ZNF441: variants seen among roughly 807,000 people sequenced by gnomAD.
ZNF441 encodes zinc finger protein 441.
A neutral mutation model predicts 64.5 loss-of-function variants in ZNF441; 25 were observed. The observed-to-expected ratio is 0.39, with a 90% confidence interval of 0.28 to 0.54. ZNF441 has a LOEUF of 0.54. ZNF441 is among the 20% of genes least tolerant of loss of function. ZNF441 has a pLI of 0.70. For missense variants in ZNF441, 715 were observed against 843.3 expected (o/e 0.85, Z 1.88); for synonymous variants, 262 against 268.0 (o/e 0.98, Z 0.22).
At position 11,781,595 on chromosome 19, in the gene ZNF441, A is replaced by T. The variant is rs1217810132; in HGVS notation, c.1771A>T (p.Ile591Leu). The change falls in exon 4 of 4, where the codon ATA becomes TTA. Residue 591 changes from isoleucine to leucine, a missense_variant. By Grantham distance (5) the Ile-to-Leu change is conservative. Coordinates refer to ENST00000357901, the MANE Select transcript of ZNF441 (RefSeq NM_152355.3). ...HTGNGPHKCK[I>L]CGKGFDYPSS... is the part of the protein sequence containing the mutation. ...TGGAAATGGACCTCATAAATGTAAG[A>T]TATGTGGGAAAGGCTTTGATTATCC... 6 of 1,613,794 alleles carry T rather than the reference A, an allele frequency of 3.7e-6. No individual in the cohort carries two copies. Among genetic ancestry groups the T allele is most frequent in the Non-Finnish European group, 5.1e-6 (6 of 1,179,940 alleles).
chr19:11,780,211 A>C lies in ZNF441; in HGVS notation c.387A>C (p.Lys129Asn). ...ACGTTAGAGTTGACAGTGAACACAAACCATGTGAGTATCAAGAATATGGAG... is the reference window on the plus strand; with the variant it reads ...ACGTTAGAGTTGACAGTGAACACAACCCATGTGAGTATCAAGAATATGGAG... ...NCYVRVDSEH[K>N]PCEYQEYGEK... Residue 129 changes from lysine (K) to asparagine (N), a missense_variant, in exon 4 of 4, where the codon AAA becomes AAC. Physicochemically the swap from Lys to Asn is moderately conservative, Grantham distance 94 (BLOSUM62 0). Around this residue, in one of 2 missense-constraint regions of ZNF441, gnomAD observed 399 missense variants for 413.9 expected, o/e 0.96. Coordinates refer to ENST00000357901, the MANE Select transcript of ZNF441 (RefSeq NM_152355.3). 2 of 1,614,206 alleles carry C rather than the reference A, an allele frequency of 1.2e-6. No individual in the cohort carries two copies. Among genetic ancestry groups the C allele is most frequent in the Middle Eastern group, 3.3e-4 (2 of 6,062 alleles).
Position 11,780,609 on chromosome 19 carries a change from G to C in ZNF441, c.785G>C (p.Ser262Thr). ...YQCKQCGKAF[S>T]CSCYTQLYER... is the part of the protein sequence containing the mutation. ...TGTAAACAATGTGGGAAAGCCTTCA[G>C]TTGTTCCTGTTACACTCAACTATAT... The change falls in exon 4 of 4, where the codon AGT (serine) becomes ACT (threonine). Residue 262 changes from serine to threonine, a missense_variant. Physicochemically the swap from Ser to Thr is moderately conservative, Grantham distance 58. This residue lies in a region of ZNF441 where 399 missense variants were observed against 413.9 expected (regional missense o/e 0.96). Coordinates refer to ENST00000357901, the MANE Select transcript of ZNF441 (RefSeq NM_152355.3). The C allele has an allele frequency of 1.2e-6, 2 of 1,614,086 alleles. No individual in the cohort carries two copies. The highest frequency in any genetic ancestry group is 1.7e-6 in the Non-Finnish European group (2 of 1,180,028).
Position 11,781,866 on chromosome 19 carries a change from A to ATT in ZNF441, c.2043_2044dup (p.Cys682PhefsTer11), listed in dbSNP as rs1568482288. ...TGTAAAGAATGTGGGGAAGCATTTC[A>ATT]TTGTATCAGTTCCTTTCATAAACAT... On this transcript the variant is annotated frameshift_variant, in exon 4 of 4. Coordinates refer to ENST00000357901, the MANE Select transcript of ZNF441 (RefSeq NM_152355.3). LOFTEE classifies it high-confidence loss of function. 1 of 1,606,722 alleles carries ATT rather than the reference A, an allele frequency of 6.2e-7. No homozygotes were observed.
Position 11,778,711 on chromosome 19 carries a change from G to T in ZNF441, c.194+318G>T, listed in dbSNP as rs138056843. On this transcript the variant is annotated intron_variant, in intron 3 of 3. Coordinates refer to ENST00000357901, the MANE Select transcript of ZNF441 (RefSeq NM_152355.3). Reference sequence around the variant, plus strand: ...GTCCTTAAGCGTTCCTCCTGCCTTGGCCTCTCAAAAGGCAGGTATTGCAGG... The same window carrying T: ...GTCCTTAAGCGTTCCTCCTGCCTTGTCCTCTCAAAAGGCAGGTATTGCAGG... Among the ~76,000 whole-genome samples, 319 of 152,240 alleles carry T rather than the reference G, an allele frequency of 2.1e-3. 1 individual carries two copies. The highest frequency in any genetic ancestry group is 7.5e-3 in the African/African-American group (312 of 41,536).
chr19:11,771,702 AG>A (rs1306812768), intron 1 of ZNF441, among the ~76,000 whole-genome samples: 2 of 152,228 alleles, frequency 1.3e-5, no homozygotes, highest in African/African-American at 2.4e-5. Flanking sequence ...CAGGGCCACC[AG>A]GGGGCTCCTT....
chr19:11,767,101 C>A lies in ZNF441; in HGVS notation c.-93C>A. On this transcript the variant is annotated 5_prime_UTR_variant, in exon 1 of 4. Coordinates refer to ENST00000357901, the MANE Select transcript of ZNF441 (RefSeq NM_152355.3). This position sits in a 1 kb window ranked among gnomAD's most constrained non-coding sequence, Gnocchi z 5.1. Reference sequence around the variant, plus strand: ...GGCTCCGGGTTCTGTCACTGAGAGACGCCCTGGAACGTCTGTGGCAGCTTC... The same window carrying A: ...GGCTCCGGGTTCTGTCACTGAGAGAAGCCCTGGAACGTCTGTGGCAGCTTC... 2 of 1,542,150 alleles carry A rather than the reference C, an allele frequency of 1.3e-6. No homozygotes were observed. The highest frequency in any genetic ancestry group is 1.8e-6 in the Non-Finnish European group (2 of 1,139,016).
At chr19:11,769,120 C>T (rs1599266906) in intron 1 of ZNF441, among the ~76,000 whole-genome samples, 1 of 152,180 alleles carries the variant, frequency 6.6e-6, no homozygotes, top group African/African-American at 2.4e-5. Context: ...AATTGAAGAA[C>T]TGGGAGAAGA....
At chr19:11,774,141 A>G (rs1168268664) in intron 1 of ZNF441, among the ~76,000 whole-genome samples, 4 of 152,178 alleles carry the variant, frequency 2.6e-5, no homozygotes, top group Admixed American at 2.6e-4. Flanking sequence ...TTCACAACTA[A>G]TGAGCCTACA....
Position 11,782,371 on chromosome 19 carries a change from A to C in ZNF441, c.*465A>C, listed in dbSNP as rs1015265887. On this transcript the variant is annotated 3_prime_UTR_variant, in exon 4 of 4. Coordinates refer to ENST00000357901, the MANE Select transcript of ZNF441 (RefSeq NM_152355.3). ...CCCTCAGGAATACCTATATTCAGAGATATTCAAGTCCCTGATATTAAAAAC... is the reference window on the plus strand; with the variant it reads ...CCCTCAGGAATACCTATATTCAGAGCTATTCAAGTCCCTGATATTAAAAAC... 1 of 152,768 alleles carries C rather than the reference A, an allele frequency of 6.5e-6. No homozygotes were observed. Among genetic ancestry groups the C allele is most frequent in the African/African-American group, 2.4e-5 (1 of 41,470 alleles). The allele number at this position is 152,768 out of a possible 1,614,324, so 9.5% of individuals were successfully genotyped here.
chr19:11,783,771 A>G lies in ZNF441; in HGVS notation c.*1865A>G, dbSNP rs1474768992. On this transcript the variant is annotated 3_prime_UTR_variant, in exon 4 of 4. Transcript: ENST00000357901. Reference sequence around the variant, plus strand: ...AAGTTATCCGGGGCTGAGAAGGGGAAATGAAGAGAAATTGGTGAATATGTA... The same window carrying G: ...AAGTTATCCGGGGCTGAGAAGGGGAGATGAAGAGAAATTGGTGAATATGTA... The G allele has an allele frequency of 6.6e-6, 1 of 152,276 alleles. No individual in the cohort carries two copies. The highest frequency in any genetic ancestry group is 1.9e-4 in the East Asian group (1 of 5,186). 9.4% of individuals were successfully genotyped at this position (152,276 alleles called of 1,614,324 possible). A position where few individuals can be genotyped will look rare whatever the true frequency, so the allele number is the denominator to read the frequency against.
At chr19:11,773,000 C>G (rs1013324584) in intron 1 of ZNF441, among the ~76,000 whole-genome samples, 4 of 152,174 alleles carry the variant, frequency 2.6e-5, no homozygotes, top group African/African-American at 7.2e-5. Flanking sequence ...ACCTTGTTAA[C>G]GAGGATAGTC....
At chr19:11,769,046 C>T (rs1353552987) in intron 1 of ZNF441, among the ~76,000 whole-genome samples, 1 of 152,130 alleles carries the variant, frequency 6.6e-6, no homozygotes, top group African/African-American at 2.4e-5. Context: ...ACTTGACACA[C>T]TCTGCACCCA....
In ZNF441 at chr19:11,778,217, C is replaced by T. The variant is rs572799701; in HGVS notation, c.131-113C>T. 2.7e-5 allele frequency: 20 copies of T among 753,248 alleles called. No individual in the cohort carries two copies. The South Asian group carries it at 3.1e-4, about 12-fold the overall frequency. 46.7% of individuals were successfully genotyped at this position (753,248 alleles called of 1,614,324 possible). On this transcript the variant is annotated intron_variant, in intron 2 of 3. Coordinates refer to ENST00000357901, the MANE Select transcript of ZNF441 (RefSeq NM_152355.3). ...GTGCAGTTCAAACCTGTGTTGAAGACTCAGCTGTAGTTTGGTGTGTGAATC... is the reference window on the plus strand; with the variant it reads ...GTGCAGTTCAAACCTGTGTTGAAGATTCAGCTGTAGTTTGGTGTGTGAATC...
intron 3 of ZNF441, 54 bp downstream of exon 3, chr19:11,778,447 C>A: frequency 7.5e-7 from 1 of 1,324,696 alleles, no homozygotes; most frequent in Non-Finnish European, 1.0e-6. Context: ...CATAGTATGC[C>A]AGAAATTTTA....
chr19:11,782,079 A>C lies in ZNF441; in HGVS notation c.*173A>C. On this transcript the variant is annotated 3_prime_UTR_variant, in exon 4 of 4. Transcript: ENST00000357901. ...ATGACCAAACTCATACTTCAAAAAT[A>C]TATATATAATGAATGTGAGGAATAT... is the stretch of plus-strand genomic sequence containing the variant. 1 of 500,126 alleles carries C rather than the reference A, an allele frequency of 2.0e-6. No homozygotes were observed. The highest frequency in any genetic ancestry group is 3.4e-6 in the Non-Finnish European group (1 of 293,146). The allele number at this position is 500,126 out of a possible 1,614,324, so 31.0% of individuals were successfully genotyped here.
At chr19:11,771,603 C>T (rs968079739) in intron 1 of ZNF441, among the ~76,000 whole-genome samples, 5 of 152,140 alleles carry the variant, frequency 3.3e-5, no homozygotes, top group East Asian at 1.9e-4. Flanking sequence ...TCATAACCTA[C>T]GAAAAACCAG....
chr19:11,767,579 G>A lies in ZNF441; in HGVS notation c.3+383G>A, dbSNP rs2145075608. Among the ~76,000 whole-genome samples, 1 of 152,290 alleles carries A rather than the reference G, an allele frequency of 6.6e-6. No homozygotes were observed. The highest frequency in any genetic ancestry group is 2.4e-5 in the African/African-American group (1 of 41,568). On this transcript the variant is annotated intron_variant, in intron 1 of 3. Transcript: ENST00000357901. This position sits in a 1 kb window ranked among gnomAD's most constrained non-coding sequence, Gnocchi z 5.1. ...GGACACCCCAGATCCGCCTTCCTGA[G>A]AGGTTTGGGGATGGGGTGTTTAGGG...
intron 3 of ZNF441, among the ~76,000 whole-genome samples, chr19:11,778,798 C>T (rs753845592): frequency 6.6e-6 from 1 of 152,132 alleles, no homozygotes; most frequent in Non-Finnish European, 1.5e-5. Flanking sequence ...ACAAGCCCAC[C>T]TTAAATTTAT....
rs572628020 is a variant in ZNF441, at chr19:11,776,969, G to A, written c.4-642G>A. 8.5e-5 allele frequency among the ~76,000 whole-genome samples: 13 copies of A among 152,074 alleles called. No homozygotes were observed. The South Asian group carries it at 1.9e-3, about 22-fold the overall frequency. On this transcript the variant is annotated intron_variant, in intron 1 of 3. Coordinates refer to ENST00000357901, the MANE Select transcript of ZNF441 (RefSeq NM_152355.3). ...GATTACAAGCATGAACCACCATACC[G>A]GGCTAATTTTTTGTATTTTTAGTAG...
Sources: gnomAD v4.1 joint callset for allele counts (sites outside exome capture counted in the v4.1 genomes callset) on GRCh38, gnomAD v4.1.1 for gene constraint, gnomAD v4.1.1 regional missense constraint, Gnocchi (gnomAD v3.1) non-coding constraint, MANE v1.5 for transcripts, NCBI Gene and HGNC (gene_info 2026-07-23, HGNC 2026-07-21) for gene names.